The following PLEKHG1 variants were observed in gnomAD, a reference collection of about 807,000 sequenced individuals.
The protein encoded by PLEKHG1 is pleckstrin homology and RhoGEF domain containing G1.
In PLEKHG1, 44 loss-of-function variants were observed where a neutral mutation model predicts 100.8. The observed-to-expected ratio is 0.44, with a 90% CI of 0.34 to 0.56. The LOEUF is 0.56. Ranked by LOEUF, PLEKHG1 falls within the 20% of genes least tolerant of loss-of-function variation. The probability of loss-of-function intolerance (pLI) is 0.01; values close to 1 mark genes in which losing one functional copy is unlikely to be tolerated. For missense variants in PLEKHG1, 1,545 were observed against 1,720.9 expected (o/e 0.90, Z 1.81); for synonymous variants, 640 against 662.5 (o/e 0.97, Z 0.52).
intron 14 of PLEKHG1, among the ~76,000 whole-genome samples, chr6:150,827,437 C>T (rs960445619): frequency 6.6e-6 from 1 of 151,886 alleles, no homozygotes; most frequent in African/African-American, 2.4e-5. Context: ...ATCACCATGC[C>T]CGGCTAATTT....
At chr6:150,783,400 A>C (rs531853070) in intron 3 of PLEKHG1, among the ~76,000 whole-genome samples, 116 of 148,388 alleles carry the variant, frequency 7.8e-4, no homozygotes, top group Middle Eastern at 6.9e-3. Flanking sequence ...ACGGAGTCTC[A>C]CTTTTGTCAC....
chr6:150,805,922 G>C (rs1376848137), intron 7 of PLEKHG1, among the ~76,000 whole-genome samples: 1 of 152,172 alleles, frequency 6.6e-6, no homozygotes, highest in African/African-American at 2.4e-5. Context: ...TTTGACAGCT[G>C]TTGGGCCAGT....
intron 1 of PLEKHG1, among the ~76,000 whole-genome samples, chr6:150,631,147 G>A (rs1777731017): frequency 6.6e-6 from 1 of 152,166 alleles, no homozygotes; most frequent in Admixed American, 6.5e-5. Flanking sequence ...GCTCACTTGT[G>A]GAGCAGAGGT....
intron 10 of PLEKHG1, among the ~76,000 whole-genome samples, chr6:150,812,175 G>A (rs984733049): frequency 1.3e-5 from 2 of 152,164 alleles, no homozygotes; most frequent in African/African-American, 4.8e-5. Context: ...TGGCACCCGT[G>A]CTGCTGGGCA....
At chr6:150,653,945 T>C (rs1233166187) in intron 3 of PLEKHG1, among the ~76,000 whole-genome samples, 1 of 152,190 alleles carries the variant, frequency 6.6e-6, no homozygotes, top group Non-Finnish European at 1.5e-5. Flanking sequence ...TCCATAATCA[T>C]TGATATTCTG....
chr6:150,744,242 T>A (rs1270656330), intron 2 of PLEKHG1, among the ~76,000 whole-genome samples: 2 of 152,060 alleles, frequency 1.3e-5, no homozygotes, highest in Non-Finnish European at 2.9e-5. Flanking sequence ...GTTCAGCTAA[T>A]TTTTGGTATT....
At chr6:150,734,961 A>G (rs1383693353) in intron 2 of PLEKHG1, among the ~76,000 whole-genome samples, 3 of 149,294 alleles carry the variant, frequency 2.0e-5, no homozygotes, top group South Asian at 2.1e-4. Flanking sequence ...AGTTAAAAAT[A>G]TTACTATCTC....
chr6:150,718,905 G>A (rs1057351979), upstream of PLEKHG1, among the ~76,000 whole-genome samples: 18 of 149,766 alleles, frequency 1.2e-4, no homozygotes, highest in African/African-American at 4.0e-4. Context: ...AAAAAAAAAT[G>A]TGTTTGTGTG....
chr6:150,834,499 A>G (rs1777124824), intron 15 of PLEKHG1, among the ~76,000 whole-genome samples: 1 of 152,208 alleles, frequency 6.6e-6, no homozygotes, highest in South Asian at 2.1e-4. Flanking sequence ...GTTGTTTTGA[A>G]TATGGACCAT....
At chr6:150,772,570 G>C (rs1048397270) in intron 3 of PLEKHG1, among the ~76,000 whole-genome samples, 2 of 152,130 alleles carry the variant, frequency 1.3e-5, no homozygotes. Flanking sequence ...AGTGAGCTAT[G>C]ATGGCACCAC....
intron 10 of PLEKHG1, among the ~76,000 whole-genome samples, chr6:150,812,406 G>A (rs1787583199): frequency 6.6e-6 from 1 of 152,180 alleles, no homozygotes; most frequent in Non-Finnish European, 1.5e-5. Context: ...AGGAGGCAGG[G>A]AGGATGTCTG....
chr6:150,666,491 T>A (rs894314468), intron 3 of PLEKHG1, among the ~76,000 whole-genome samples: 23 of 152,174 alleles, frequency 1.5e-4, no homozygotes, highest in Non-Finnish European at 1.3e-4. Context: ...GCTTGCTCCA[T>A]CTTCTCTGCT....
At chr6:150,773,703 A>T (rs889322097) in intron 3 of PLEKHG1, among the ~76,000 whole-genome samples, 2 of 150,556 alleles carry the variant, frequency 1.3e-5, no homozygotes, top group East Asian at 1.9e-4. Flanking sequence ...CTGTCAAGGA[A>T]TTTTTTTTTT....
chr6:150,742,819 A>G (rs2128623497), intron 2 of PLEKHG1, among the ~76,000 whole-genome samples: 1 of 152,254 alleles, frequency 6.6e-6, no homozygotes, highest in African/African-American at 2.4e-5. Context: ...TTGTCCTGTA[A>G]CCATCCTTTG....
intron 3 of PLEKHG1, among the ~76,000 whole-genome samples, chr6:150,696,263 G>A (rs1780539272): frequency 6.6e-6 from 1 of 152,184 alleles, no homozygotes; most frequent in Admixed American, 6.5e-5. Flanking sequence ...TAGGCCAGGA[G>A]ACCCAGGGTA....
chr6:150,692,751 A>C lies in PLEKHG1; in HGVS notation c.-98-40833A>C, dbSNP rs1780390069. Among the ~76,000 whole-genome samples the C allele has an allele frequency of 5.9e-5, 9 of 152,360 alleles. No homozygotes were observed. The South Asian group carries it at 1.9e-3, about 32-fold the overall frequency. On this transcript the variant is annotated intron_variant, in intron 3 of 3. Transcript: ENST00000367326. ...CTGAAATTTAGGCCAAGAGAAAGTAAGTACTTGCTTTTGTCACACTTTCAG... is the reference window on the plus strand; with the variant it reads ...CTGAAATTTAGGCCAAGAGAAAGTACGTACTTGCTTTTGTCACACTTTCAG...
rs1312945037 is a variant in PLEKHG1, at chr6:150,823,719, G to A, written c.1470+43G>A. The A allele has an allele frequency of 4.0e-6, 6 of 1,517,852 alleles. No homozygotes were observed. In the East Asian group the frequency reaches 6.8e-5, roughly 17 times the overall value. The allele number at this position is 1,517,852 out of a possible 1,614,324, so 94.0% of individuals were successfully genotyped here. On this transcript the variant is annotated intron_variant, in intron 14 of 15. Coordinates refer to ENST00000358517, the Ensembl canonical transcript of PLEKHG1. ...TCTTACTTGGAAATGTTCACTTCAG[G>A]CACCTTTCATAGGTGTCCCTTCCCC... is the stretch of plus-strand genomic sequence containing the variant.
intron 14 of PLEKHG1, among the ~76,000 whole-genome samples, chr6:150,826,198 C>T (rs1202472951): frequency 2.0e-5 from 3 of 152,032 alleles, no homozygotes; most frequent in African/African-American, 7.2e-5. Context: ...TGGCTCACAC[C>T]TGTAATCCCG....
chr6:150,671,115 A>C (rs945914585), intron 3 of PLEKHG1, among the ~76,000 whole-genome samples: 1 of 151,840 alleles, frequency 6.6e-6, no homozygotes, highest in South Asian at 2.1e-4. Context: ...ATATATACAC[A>C]CACACACCAG....
Sources: gnomAD v4.1 joint callset for allele counts (sites outside exome capture counted in the v4.1 genomes callset) on GRCh38, gnomAD v4.1.1 for gene constraint, MANE v1.5 for transcripts, NCBI Gene and HGNC (gene_info 2026-07-23, HGNC 2026-07-21) for gene names.